SUGCT: variants seen among roughly 807,000 people sequenced by gnomAD.
SUGCT encodes succinyl-CoA:glutarate CoA-transferase.
Under a neutral mutation model 55.0 loss-of-function variants are expected in SUGCT, and 41 were observed. The ratio of observed to expected loss-of-function variants is 0.74; its 90% CI spans 0.58 to 0.97. The LOEUF is 0.97. Ranked by LOEUF, SUGCT falls within the 50% of genes least tolerant of loss-of-function variation. The pLI, the probability that SUGCT is intolerant of heterozygous loss-of-function variation, is 0.00. For missense variants in SUGCT, 568 were observed against 547.8 expected, an observed-to-expected ratio of 1.04 and a Z score of -0.37; for synonymous variants, 187 against 200.4, an observed-to-expected ratio of 0.93 and a Z score of 0.56.
chr7:40,404,162 C>T (rs545703743), intron 9 of SUGCT, among the ~76,000 whole-genome samples: 3 of 152,266 alleles, frequency 2.0e-5, no homozygotes, highest in Non-Finnish European at 4.4e-5. Flanking sequence ...TCTGCCAGGA[C>T]CTCAGGAAAC....
At chr7:40,867,661 C>T in the SUGCT span, among the ~76,000 whole-genome samples, 2 of 152,136 alleles carry the variant, frequency 1.3e-5, no homozygotes, top group Non-Finnish European at 2.9e-5. Flanking sequence ...TAGATAACTT[C>T]TTTTAGTTTT....
At chr7:40,534,344 T>G (rs956707300) in intron 12 of SUGCT, among the ~76,000 whole-genome samples, 2 of 152,248 alleles carry the variant, frequency 1.3e-5, no homozygotes, top group Admixed American at 1.3e-4. Context: ...TGATTTCATA[T>G]TGAATTAGGA....
At chr7:40,661,302 C>G (rs1801291345) in intron 12 of SUGCT, among the ~76,000 whole-genome samples, 1 of 152,178 alleles carries the variant, frequency 6.6e-6, no homozygotes, top group Non-Finnish European at 1.5e-5. Flanking sequence ...CTAAAACCAA[C>G]CGCTTCAGTT....
chr7:40,914,207 C>T, the SUGCT span, among the ~76,000 whole-genome samples: 1 of 151,888 alleles, frequency 6.6e-6, no homozygotes, highest in African/African-American at 2.4e-5. Flanking sequence ...TGACACACAT[C>T]ACTCAAAGTC....
intron 8 of SUGCT, among the ~76,000 whole-genome samples, chr7:40,289,233 T>C (rs1793565068): frequency 6.6e-6 from 1 of 152,140 alleles, no homozygotes; most frequent in Non-Finnish European, 1.5e-5. Context: ...AAAAAGGTTC[T>C]TGTAAGAGAG....
chr7:40,292,435 C>T (rs186737285), intron 8 of SUGCT, among the ~76,000 whole-genome samples: 1 of 152,176 alleles, frequency 6.6e-6, no homozygotes, highest in Admixed American at 6.5e-5. Flanking sequence ...GACGACAATT[C>T]AGATGCATTT....
intron 12 of SUGCT, among the ~76,000 whole-genome samples, chr7:40,663,170 C>G (rs1185586914): frequency 6.6e-6 from 1 of 152,058 alleles, no homozygotes; most frequent in Non-Finnish European, 1.5e-5. Flanking sequence ...TTATTTCCCT[C>G]TTTCATGAAG....
intron 12 of SUGCT, among the ~76,000 whole-genome samples, chr7:40,657,883 A>G (rs965391704): frequency 5.9e-5 from 9 of 152,198 alleles, no homozygotes; most frequent in African/African-American, 2.2e-4. Context: ...ACCTAACGTG[A>G]AAGAAGATAA....
At chr7:40,404,023 G>A (rs931260522) in intron 9 of SUGCT, among the ~76,000 whole-genome samples, 28 of 152,182 alleles carry the variant, frequency 1.8e-4, no homozygotes, top group African/African-American at 6.8e-4. Context: ...ATAGGAAAAG[G>A]AGATAAGGAA....
chr7:40,770,897 C>T (rs1328500754), intron 13 of SUGCT, among the ~76,000 whole-genome samples: 3 of 152,104 alleles, frequency 2.0e-5, no homozygotes, highest in African/African-American at 7.2e-5. Context: ...AAATTGCTCA[C>T]TGGACTATGA....
At chr7:40,473,738 T>TG (rs1410706228) in intron 11 of SUGCT, among the ~76,000 whole-genome samples, 4 of 152,288 alleles carry the variant, frequency 2.6e-5, no homozygotes, top group African/African-American at 7.2e-5. Context: ...ATAACCCCCT[T>TG]GGGGCATATC....
intron 12 of SUGCT, among the ~76,000 whole-genome samples, chr7:40,691,678 T>C (rs1182384520): frequency 6.6e-6 from 1 of 152,234 alleles, no homozygotes; most frequent in Non-Finnish European, 1.5e-5. Context: ...ATCAGATTTA[T>C]AGTATTCAAG....
In SUGCT at chr7:40,386,943, C is replaced by T. The variant is rs143983832; in HGVS notation, c.817-62344C>T. On this transcript the variant is annotated intron_variant, in intron 9 of 13. Transcript: ENST00000335693. ...CTTGCTGCTTGTGCCAGACCTGTCCCCACCATCATCCCTTACTCTCACACC... is the reference window on the plus strand; with the variant it reads ...CTTGCTGCTTGTGCCAGACCTGTCCTCACCATCATCCCTTACTCTCACACC... 2.3e-3 allele frequency among the ~76,000 whole-genome samples: 355 copies of T among 152,244 alleles called. 1 individual carries two copies. The highest frequency in any genetic ancestry group is 7.8e-3 in the African/African-American group (324 of 41,538).
chr7:40,804,584 AT>A lies in SUGCT; in HGVS notation c.1153+55088del, dbSNP rs1458044453. ...TTACCCTTCTCAGAAAAAAAAAAAA[AT>A]ACTTTCAATGCAATCAGCATTTGTG... On this transcript the variant is annotated intron_variant, in intron 13 of 13. Transcript: ENST00000335693. 1.0e-4 allele frequency among the ~76,000 whole-genome samples: 15 copies of A among 149,616 alleles called. No homozygotes were observed. The South Asian group carries it at 3.2e-3, about 32-fold the overall frequency.
chr7:40,763,097 A>G (rs942713308), intron 13 of SUGCT, among the ~76,000 whole-genome samples: 1 of 152,198 alleles, frequency 6.6e-6, no homozygotes, highest in African/African-American at 2.4e-5. Context: ...GATTACAGGC[A>G]TGAGCCACCC....
At chr7:40,297,497 G>A (rs1250547842) in intron 8 of SUGCT, among the ~76,000 whole-genome samples, 1 of 152,104 alleles carries the variant, frequency 6.6e-6, no homozygotes, top group East Asian at 1.9e-4. Context: ...GAATGTTCAG[G>A]AAAGACCTCT....
chr7:40,429,168 T>A (rs1787758936), intron 9 of SUGCT, among the ~76,000 whole-genome samples: 1 of 152,028 alleles, frequency 6.6e-6, no homozygotes, highest in African/African-American at 2.4e-5. Flanking sequence ...TCTACACATT[T>A]AGCATGAATC....
the SUGCT span, among the ~76,000 whole-genome samples, chr7:41,035,702 A>G: frequency 6.6e-6 from 1 of 152,236 alleles, no homozygotes; most frequent in South Asian, 2.1e-4. Flanking sequence ...TGGTTGATTT[A>G]AGTAAAAACA....
chr7:40,566,954 T>G (rs1796190378), intron 12 of SUGCT, among the ~76,000 whole-genome samples: 1 of 152,258 alleles, frequency 6.6e-6, no homozygotes, highest in Admixed American at 6.5e-5. Context: ...TATGTTCAAC[T>G]GTTGGCACTG....
Sources: gnomAD v4.1 joint callset for allele counts (sites outside exome capture counted in the v4.1 genomes callset) on GRCh38, gnomAD v4.1.1 for gene constraint, MANE v1.5 for transcripts, NCBI Gene and HGNC (gene_info 2026-07-23, HGNC 2026-07-21) for gene names.